The following NPEPPS variants were observed in gnomAD, a reference collection of about 807,000 sequenced individuals.
NPEPPS encodes the protein puromycin-sensitive aminopeptidase.
In NPEPPS, 14 loss-of-function variants were observed where a neutral mutation model predicts 115.5. The ratio of observed to expected loss-of-function variants is 0.12; its 90% confidence interval spans 0.08 to 0.19. NPEPPS has a LOEUF of 0.19. Ranked by LOEUF, NPEPPS falls within the 10% of genes least tolerant of loss-of-function variation. NPEPPS has a pLI of 1.00. For missense variants in NPEPPS, 523 were observed against 1,110.8 expected, an observed-to-expected ratio of 0.47 and a Z score of 7.52; for synonymous variants, 285 against 390.6, an observed-to-expected ratio of 0.73 and a Z score of 3.19.
chr17:47,549,633 A>T (rs1183078573), intron 2 of NPEPPS, among the ~76,000 whole-genome samples: 1 of 151,522 alleles, frequency 6.6e-6, no homozygotes, highest in Non-Finnish European at 1.5e-5. Context: ...CACAAAAATT[A>T]GCTGGGCGTG....
intron 9 of NPEPPS, among the ~76,000 whole-genome samples, chr17:47,590,462 A>G (rs1459514304): frequency 6.6e-6 from 1 of 151,950 alleles, no homozygotes; most frequent in Non-Finnish European, 1.5e-5. Flanking sequence ...GTCTCAAAAA[A>G]AAAAAAAAGA....
At chr17:47,595,784 C>T (rs1912825448) in intron 12 of NPEPPS, among the ~76,000 whole-genome samples, 1 of 151,950 alleles carries the variant, frequency 6.6e-6, no homozygotes, top group African/African-American at 2.4e-5. Flanking sequence ...GAGTTCAAGA[C>T]CAACCTGGTC....
Position 47,622,010 on chromosome 17 carries a change from G to T in NPEPPS, c.*90G>T, listed in dbSNP as rs1164562165. 2 of 1,408,696 alleles carry T rather than the reference G, an allele frequency of 1.4e-6. No homozygotes were observed. The highest frequency in any genetic ancestry group is 1.9e-6 in the Non-Finnish European group (2 of 1,070,104). 87.3% of individuals were successfully genotyped at this position (1,408,696 alleles called of 1,614,324 possible). A position where few individuals can be genotyped will look rare whatever the true frequency, so the allele number is the denominator to read the frequency against. ...CAGCTGATTCATATGCCAAGAATTT[G>T]GAGTCTTCTTTCAAACCAGTGGGGG... On this transcript the variant is annotated 3_prime_UTR_variant, in exon 23 of 23. Transcript: ENST00000322157.
chr17:47,544,407 G>A (rs1397648224), intron 1 of NPEPPS, among the ~76,000 whole-genome samples: 1 of 152,062 alleles, frequency 6.6e-6, no homozygotes, highest in Non-Finnish European at 1.5e-5. Flanking sequence ...CTCACAGAAG[G>A]CCTCATGGTG....
chr17:47,611,678 G>T (rs553837052), intron 17 of NPEPPS, among the ~76,000 whole-genome samples: 3 of 151,968 alleles, frequency 2.0e-5, no homozygotes, highest in Admixed American at 1.3e-4. Context: ...TTGCTGTGTT[G>T]CTCAGGTTGG....
At chr17:47,586,730 A>G (rs1403657476) in intron 8 of NPEPPS, 1 of 488,578 alleles carries the variant, frequency 2.0e-6, no homozygotes, top group African/African-American at 1.9e-5. Context: ...AAGTTTTTAC[A>G]TGTCTGTCAC....
chr17:47,592,711 C>G (rs1000608362), intron 12 of NPEPPS, 166 bp downstream of exon 12: 5 of 593,044 alleles, frequency 8.4e-6, no homozygotes, highest in Non-Finnish European at 1.4e-5. Flanking sequence ...ATCTCAAAAT[C>G]TGAAATTTGA....
intron 1 of NPEPPS, among the ~76,000 whole-genome samples, chr17:47,539,372 A>G (rs1025116080): frequency 6.6e-6 from 1 of 152,194 alleles, no homozygotes; most frequent in Non-Finnish European, 1.5e-5. Flanking sequence ...ACACCATACA[A>G]GTATGTGGTC....
At position 47,612,313 on chromosome 17, in the gene NPEPPS, C is replaced by T. The variant is rs60728520; in HGVS notation, c.2096-147C>T. 1.1e-3 allele frequency: 836 copies of T among 736,806 alleles called. 2 individuals are homozygous for T. The African/African-American group carries it at 0.014, about 12-fold the overall frequency. 45.6% of individuals were successfully genotyped at this position (736,806 alleles called of 1,614,324 possible). A position where few individuals can be genotyped will look rare whatever the true frequency, so the allele number is the denominator to read the frequency against. Reference sequence around the variant, plus strand: ...CTCTTATGATTTGATAAATGTAAAACGAGTATTCTCTCAGGTATTAAGTTA... The same window carrying T: ...CTCTTATGATTTGATAAATGTAAAATGAGTATTCTCTCAGGTATTAAGTTA... On this transcript the variant is annotated intron_variant, in intron 17 of 22. Coordinates refer to ENST00000322157, the MANE Select transcript of NPEPPS (RefSeq NM_006310.4).
At chr17:47,530,004 T>C (rs1438421995), upstream of NPEPPS, among the ~76,000 whole-genome samples, 1 of 145,826 alleles carries the variant, frequency 6.9e-6, no homozygotes, top group Non-Finnish European at 1.5e-5. Flanking sequence ...TGGCGCAATC[T>C]CGGCTCACTG....
At chr17:47,548,870 C>T (rs1298271292) in intron 2 of NPEPPS, among the ~76,000 whole-genome samples, 12 of 151,942 alleles carry the variant, frequency 7.9e-5, no homozygotes, top group African/African-American at 2.7e-4. Flanking sequence ...CCACTGCGCC[C>T]GACCTGACTG....
At chr17:47,561,404 G>A (rs1910420542) in intron 2 of NPEPPS, among the ~76,000 whole-genome samples, 1 of 147,284 alleles carries the variant, frequency 6.8e-6, no homozygotes, top group Non-Finnish European at 1.5e-5. Flanking sequence ...CGATATATAT[G>A]TTGGTTTTCG....
chr17:47,573,592 CATGCCTGTA>C, intron 3 of NPEPPS, among the ~76,000 whole-genome samples: 1 of 152,290 alleles, frequency 6.6e-6, no homozygotes, highest in Middle Eastern at 3.4e-3. Flanking sequence ...GGTCGTGGCT[CATGCCTGTA>C]ATCCCAACAC....
intron 1 of NPEPPS, among the ~76,000 whole-genome samples, chr17:47,532,078 C>T (rs1388591589): frequency 6.6e-6 from 1 of 151,966 alleles, no homozygotes; most frequent in Non-Finnish European, 1.5e-5. Flanking sequence ...ACGAGGGGAG[C>T]TTCTAGAAGG....
In NPEPPS at chr17:47,605,316, G is replaced by GT. The variant is rs1913448615; in HGVS notation, c.1876-11dup. ...TTGTTTGAAGACTAGGTTAATTTATGTTTTTTCCTATCCCAGGCTCGAGCT... is the reference window on the plus strand; with the variant it reads ...TTGTTTGAAGACTAGGTTAATTTATGTTTTTTTCCTATCCCAGGCTCGAGCT... On this transcript the variant is annotated splice_polypyrimidine_tract_variant and intron_variant, in intron 16 of 22. Coordinates refer to ENST00000322157, the MANE Select transcript of NPEPPS (RefSeq NM_006310.4). The GT allele has an allele frequency of 6.4e-7, 1 of 1,559,508 alleles. No homozygotes were observed. Among genetic ancestry groups the GT allele is most frequent in the Non-Finnish European group, 8.7e-7 (1 of 1,152,134 alleles).
chr17:47,556,710 T>C (rs1910063234), intron 2 of NPEPPS, among the ~76,000 whole-genome samples: 1 of 152,118 alleles, frequency 6.6e-6, no homozygotes, highest in African/African-American at 2.4e-5. Context: ...GGGTGGGGGC[T>C]GCCCCCCGCC....
chr17:47,584,485 T>C (rs1912067601), intron 5 of NPEPPS, among the ~76,000 whole-genome samples: 1 of 152,162 alleles, frequency 6.6e-6, no homozygotes, highest in Non-Finnish European at 1.5e-5. Flanking sequence ...ATAACTCTTT[T>C]ATGTATTTAT....
intron 1 of NPEPPS, among the ~76,000 whole-genome samples, chr17:47,537,260 G>GT (rs1399635714): frequency 6.6e-6 from 1 of 152,108 alleles, no homozygotes; most frequent in Non-Finnish European, 1.5e-5. Flanking sequence ...CAGATTTTCT[G>GT]TTTTTTGAAA....
intron 16 of NPEPPS, 151 bp from the exon 17 acceptor site, chr17:47,605,182 A>G: frequency 2.0e-6 from 1 of 488,710 alleles, no homozygotes; most frequent in Non-Finnish European, 3.6e-6. Flanking sequence ...TTGTCTGAAT[A>G]GGATTTTTAT....
Sources: gnomAD v4.1 joint callset for allele counts (sites outside exome capture counted in the v4.1 genomes callset) on GRCh38, gnomAD v4.1.1 for gene constraint, MANE v1.5 for transcripts, NCBI Gene and HGNC (gene_info 2026-07-23, HGNC 2026-07-21) for gene names.